MYO1D: variants seen among roughly 807,000 people sequenced by gnomAD.
The protein encoded by MYO1D is unconventional myosin-Id.
A neutral mutation model predicts 122.0 loss-of-function variants in MYO1D; 83 were observed. The ratio of observed to expected loss-of-function variants is 0.68; its 90% CI spans 0.57 to 0.82. The LOEUF (loss-of-function observed/expected upper bound fraction) is 0.82, where lower values mean the gene tolerates loss of function less well. Among genes scored for constraint, MYO1D ranks in the 40% least tolerant of loss-of-function variants. The pLI is 0.00. For synonymous variants in MYO1D, 464 were observed against 446.9 expected, an observed-to-expected ratio of 1.04 and a Z score of -0.48; for missense variants, 1,157 against 1,269.5, an observed-to-expected ratio of 0.91 and a Z score of 1.35.
At chr17:32,784,071 T>C (rs546313279) in intron 1 of MYO1D, among the ~76,000 whole-genome samples, 1 of 152,298 alleles carries the variant, frequency 6.6e-6, no homozygotes, top group East Asian at 1.9e-4. Flanking sequence ...TGTACTGTAG[T>C]GACAAAGATT....
chr17:32,802,621 T>G (rs2090470154), intron 1 of MYO1D, among the ~76,000 whole-genome samples: 1 of 152,202 alleles, frequency 6.6e-6, no homozygotes, highest in Admixed American at 6.5e-5. Flanking sequence ...AATTTCAAAC[T>G]TAAAAGTTGT....
intron 21 of MYO1D, among the ~76,000 whole-genome samples, chr17:32,576,662 G>T (rs979978246): frequency 1.3e-5 from 2 of 152,008 alleles, no homozygotes; most frequent in African/African-American, 4.8e-5. Context: ...ATGAATGAGT[G>T]AATGAATGAA....
intron 20 of MYO1D, among the ~76,000 whole-genome samples, chr17:32,637,482 TC>T (rs765403982): frequency 5.9e-5 from 9 of 151,970 alleles, no homozygotes; most frequent in Non-Finnish European, 1.2e-4. Context: ...ACCAGCCTGG[TC>T]AACTTGGCGA....
At chr17:32,496,624 C>T (rs774947956) in intron 21 of MYO1D, among the ~76,000 whole-genome samples, 3 of 152,190 alleles carry the variant, frequency 2.0e-5, no homozygotes, top group Non-Finnish European at 4.4e-5. Context: ...CAGGACCAGG[C>T]TGGTCCCTGA....
At chr17:32,574,054 G>C (rs1284199364) in intron 21 of MYO1D, among the ~76,000 whole-genome samples, 1 of 151,226 alleles carries the variant, frequency 6.6e-6, no homozygotes, top group South Asian at 2.1e-4. Context: ...GGGTTTCACC[G>C]TGTTAGCCAG....
chr17:32,671,606 T>C (rs1445437035), intron 16 of MYO1D, among the ~76,000 whole-genome samples: 1 of 152,236 alleles, frequency 6.6e-6, no homozygotes, highest in Non-Finnish European at 1.5e-5. Context: ...GTGGTCATTA[T>C]ACCTTTTTTA....
intron 5 of MYO1D, among the ~76,000 whole-genome samples, chr17:32,771,892 G>A (rs777880159): frequency 3.3e-5 from 5 of 152,180 alleles, no homozygotes; most frequent in African/African-American, 9.7e-5. Flanking sequence ...AATATTGACA[G>A]TGCTTTTATA....
chr17:32,557,174 A>G (rs2087075190), intron 21 of MYO1D, among the ~76,000 whole-genome samples: 1 of 150,756 alleles, frequency 6.6e-6, no homozygotes, highest in Non-Finnish European at 1.5e-5. Flanking sequence ...GCTGGAGTTC[A>G]GTGGCGTGAT....
chr17:32,531,744 G>T (rs1384835385), intron 21 of MYO1D, among the ~76,000 whole-genome samples: 1 of 152,198 alleles, frequency 6.6e-6, no homozygotes, highest in Non-Finnish European at 1.5e-5. Context: ...TTCAGTGAAG[G>T]CTTGGCTAGA....
chr17:32,751,193 G>A (rs557480342), intron 11 of MYO1D, among the ~76,000 whole-genome samples: 2 of 151,776 alleles, frequency 1.3e-5, no homozygotes, highest in South Asian at 2.1e-4. Context: ...ACTTTAATAC[G>A]GAAGAAGCAA....
intron 1 of MYO1D, among the ~76,000 whole-genome samples, chr17:32,783,523 T>C (rs1286978164): frequency 6.6e-6 from 1 of 152,186 alleles, no homozygotes; most frequent in Non-Finnish European, 1.5e-5. Flanking sequence ...ATCTCATGTC[T>C]TAAGAAAATA....
intron 21 of MYO1D, among the ~76,000 whole-genome samples, chr17:32,531,759 T>G (rs1314202908): frequency 1.3e-5 from 2 of 152,206 alleles, no homozygotes; most frequent in Non-Finnish European, 2.9e-5. Context: ...GCTAGATTAT[T>G]CTAACACCTG....
At chr17:32,743,073 G>A (rs1359323760) in intron 13 of MYO1D, among the ~76,000 whole-genome samples, 3 of 152,068 alleles carry the variant, frequency 2.0e-5, no homozygotes, top group African/African-American at 7.2e-5. Flanking sequence ...TGGCCTCTGT[G>A]ACACCAGATT....
intron 21 of MYO1D, among the ~76,000 whole-genome samples, chr17:32,536,455 T>A (rs1028067313): frequency 6.6e-6 from 1 of 152,244 alleles, no homozygotes; most frequent in African/African-American, 2.4e-5. Context: ...CAGGTCATTT[T>A]AAACCCGAAA....
intron 1 of MYO1D, among the ~76,000 whole-genome samples, chr17:32,842,989 A>G (rs2090898323): frequency 1.3e-5 from 2 of 150,168 alleles, no homozygotes; most frequent in South Asian, 4.2e-4. Context: ...CCTGGGTTCA[A>G]GCAATTCTCC....
intron 20 of MYO1D, among the ~76,000 whole-genome samples, chr17:32,614,271 C>T (rs1277221230): frequency 2.0e-5 from 3 of 150,558 alleles, no homozygotes; most frequent in Non-Finnish European, 4.4e-5. Context: ...CCCCACACCC[C>T]GTCCAAAGCT....
intron 13 of MYO1D, among the ~76,000 whole-genome samples, chr17:32,742,434 G>C (rs1323257334): frequency 2.0e-5 from 3 of 152,186 alleles, no homozygotes; most frequent in Non-Finnish European, 4.4e-5. Context: ...GTTCACCACT[G>C]AAAGGTGAAG....
chr17:32,805,463 A>C (rs1346218820), intron 1 of MYO1D, among the ~76,000 whole-genome samples: 1 of 152,166 alleles, frequency 6.6e-6, no homozygotes, highest in South Asian at 2.1e-4. Flanking sequence ...TGGTGAAGGA[A>C]GCAGGTTCAG....
intron 16 of MYO1D, among the ~76,000 whole-genome samples, chr17:32,705,873 T>G (rs981113776): frequency 6.6e-6 from 1 of 152,178 alleles, no homozygotes; most frequent in Non-Finnish European, 1.5e-5. Flanking sequence ...CTGATGGTTT[T>G]ATAAGAGAAA....
Sources: allele counts gnomAD v4.1 joint callset (sites outside exome capture counted in the v4.1 genomes callset), GRCh38; gene constraint gnomAD v4.1.1; transcripts MANE v1.5; gene names NCBI Gene and HGNC (gene_info 2026-07-23, HGNC 2026-07-21).